The following TPTE2 variants were observed in gnomAD, a reference collection of about 807,000 sequenced individuals.
TPTE2 encodes the protein transmembrane phosphoinositide 3-phosphatase and tensin homolog 2.
In TPTE2, 53 loss-of-function variants were observed where a neutral mutation model predicts 78.6. That is an observed-to-expected ratio of 0.67 (90% confidence interval 0.54 to 0.85). The LOEUF is 0.85. TPTE2 is among the 40% of genes least tolerant of loss of function. The pLI is 0.00. For missense variants in TPTE2, 461 were observed against 623.0 expected, an observed-to-expected ratio of 0.74 and a Z score of 2.77; for synonymous variants, 175 against 206.2, an observed-to-expected ratio of 0.85 and a Z score of 1.30.
At chr13:19,552,772 A>C in the TPTE2 span, 1 of 369,366 alleles carries the variant, frequency 2.7e-6, no homozygotes, top group African/African-American at 2.2e-5. Context: ...TTCTTTAAAA[A>C]GTTATAACCA....
At chr13:19,477,347 G>A (rs1390960727) in intron 4 of TPTE2, among the ~76,000 whole-genome samples, 5 of 150,502 alleles carry the variant, frequency 3.3e-5, no homozygotes, top group Admixed American at 6.6e-5. Context: ...CAAACCCCAC[G>A]TGTACCTCCA....
At chr13:19,469,607 C>T (rs1315354758) in intron 6 of TPTE2, among the ~76,000 whole-genome samples, 4 of 152,076 alleles carry the variant, frequency 2.6e-5, no homozygotes, top group Non-Finnish European at 2.9e-5. Context: ...CTGTAAATTG[C>T]TTTGGATAGT....
At chr13:19,488,685 T>A (rs996298877) in intron 3 of TPTE2, among the ~76,000 whole-genome samples, 1 of 152,252 alleles carries the variant, frequency 6.6e-6, no homozygotes, top group Admixed American at 6.5e-5. Context: ...GATTAGGCTT[T>A]GGCTTAAGGG....
At chr13:19,467,234 T>G (rs1199439475) in exon 7 of TPTE2, 1 of 1,584,506 alleles carries the variant, frequency 6.3e-7, no homozygotes, top group Admixed American at 2.0e-5. Flanking sequence ...CCTGGGAATA[T>G]TCCTAAGCAA....
chr13:19,522,196 G>A (rs763454354), intron 1 of TPTE2, among the ~76,000 whole-genome samples: 1 of 152,172 alleles, frequency 6.6e-6, no homozygotes, highest in Non-Finnish European at 1.5e-5. Context: ...CATCACAGGG[G>A]TGGTATACAA....
chr13:19,440,182 G>T (rs1877396271), intron 13 of TPTE2, among the ~76,000 whole-genome samples: 1 of 152,070 alleles, frequency 6.6e-6, no homozygotes, highest in Non-Finnish European at 1.5e-5. Flanking sequence ...CAAAGAAAAA[G>T]CCCTAAAGGC....
intron 1 of TPTE2, among the ~76,000 whole-genome samples, chr13:19,512,134 A>T (rs1305465645): frequency 6.6e-6 from 1 of 152,244 alleles, no homozygotes; most frequent in African/African-American, 2.4e-5. Flanking sequence ...GGAGTTACTT[A>T]ATCTGAAAGT....
intron 1 of TPTE2, among the ~76,000 whole-genome samples, chr13:19,510,118 C>A (rs1321272404): frequency 6.6e-6 from 1 of 152,168 alleles, no homozygotes; most frequent in South Asian, 2.1e-4. Context: ...AGCTAACAGG[C>A]AGATGACCTA....
At chr13:19,546,359 A>T in the TPTE2 span, among the ~76,000 whole-genome samples, 1 of 152,110 alleles carries the variant, frequency 6.6e-6, no homozygotes, top group Non-Finnish European at 1.5e-5. Flanking sequence ...AGAGAGTGGA[A>T]CTGGGCCAGG....
At position 19,492,911 on chromosome 13, in the gene TPTE2, A is replaced by T. The variant is rs1200347191; in HGVS notation, c.66-8T>A. ...AATTCACTTGTGTGTGGGCTAGAGG[A>T]TGATAAAAGAATACAGTCAGATAGG... On this transcript the variant is annotated splice_polypyrimidine_tract_variant and splice_region_variant and intron_variant, in intron 2 of 19. Coordinates refer to ENST00000400230, the Ensembl canonical transcript of TPTE2. 3 of 1,613,980 alleles carry T rather than the reference A, an allele frequency of 1.9e-6. No individual in the cohort carries two copies. The highest frequency in any genetic ancestry group is 1.7e-4 in the Middle Eastern group (1 of 6,056).
intron 6 of TPTE2, among the ~76,000 whole-genome samples, chr13:19,469,474 T>C (rs928698472): frequency 1.3e-5 from 2 of 152,210 alleles, no homozygotes; most frequent in African/African-American, 2.4e-5. Flanking sequence ...TCCAGCTTTG[T>C]TCTTTTTGCT....
chr13:19,519,260 C>G (rs937697048), intron 1 of TPTE2, among the ~76,000 whole-genome samples: 2 of 152,070 alleles, frequency 1.3e-5, no homozygotes, highest in African/African-American at 4.8e-5. Flanking sequence ...GTATCAGGGC[C>G]TTGTCTGACA....
the TPTE2 span, among the ~76,000 whole-genome samples, chr13:19,543,164 C>T: frequency 2.0e-5 from 3 of 151,662 alleles, no homozygotes; most frequent in Admixed American, 2.0e-4. Context: ...CTCCAGCGAT[C>T]GTCCCACTTC....
chr13:19,512,846 G>A (rs1869541931), intron 1 of TPTE2, among the ~76,000 whole-genome samples: 1 of 152,104 alleles, frequency 6.6e-6, no homozygotes, highest in Admixed American at 6.6e-5. Context: ...CAAAGTGCTG[G>A]GATTACAGGC....
rs1397920595 is a variant in TPTE2, at chr13:19,486,975, C to G, written c.120-4428G>C. Among the ~76,000 whole-genome samples the G allele has an allele frequency of 6.6e-6, 1 of 152,138 alleles. No homozygotes were observed. Among genetic ancestry groups the G allele is most frequent in the Non-Finnish European group, 1.5e-5 (1 of 68,022 alleles). On this transcript the variant is annotated intron_variant, in intron 3 of 19. Transcript: ENST00000400230. This position sits in a 1 kb window ranked among gnomAD's most constrained non-coding sequence, Gnocchi z 4.3. ...CTAGGGGCATGTCTTCTGGAAGTAGCCCATGGAGCTCTTTCTTAGGTCCAG... is the reference window on the plus strand; with the variant it reads ...CTAGGGGCATGTCTTCTGGAAGTAGGCCATGGAGCTCTTTCTTAGGTCCAG...
At chr13:19,434,836 A>C (rs1490714860) in intron 15 of TPTE2, among the ~76,000 whole-genome samples, 1 of 152,182 alleles carries the variant, frequency 6.6e-6, no homozygotes, top group African/African-American at 2.4e-5. Context: ...AAGGCAATAT[A>C]AATGAGAAGC....
chr13:19,560,806 G>C, the TPTE2 span: 1 of 1,495,060 alleles, frequency 6.7e-7, no homozygotes, highest in Non-Finnish European at 9.1e-7. Flanking sequence ...TTGTACTCCC[G>C]CCCACCCCGG....
intron 1 of TPTE2, among the ~76,000 whole-genome samples, chr13:19,527,157 C>T (rs1278928555): frequency 6.6e-6 from 1 of 152,004 alleles, no homozygotes; most frequent in African/African-American, 2.4e-5. Context: ...ATACCAGATA[C>T]CAGAGGCTGG....
exon 9 of TPTE2, chr13:19,465,288 C>A: frequency 6.2e-7 from 1 of 1,613,886 alleles, no homozygotes; most frequent in African/African-American, 1.3e-5. Context: ...TCAAATCCAT[C>A]CCTTGTGTAT....
Sources: allele counts gnomAD v4.1 joint callset (sites outside exome capture counted in the v4.1 genomes callset), GRCh38; gene constraint gnomAD v4.1.1; non-coding constraint Gnocchi (gnomAD v3.1); transcripts MANE v1.5; gene names NCBI Gene and HGNC (gene_info 2026-07-23, HGNC 2026-07-21).